Variants in MAGI2 observed in about 807,000 individuals in gnomAD.
MAGI2 encodes membrane associated guanylate kinase, WW and PDZ domain containing 2.
A neutral mutation model predicts 133.3 loss-of-function variants in MAGI2; 35 were observed. The observed-to-expected ratio is 0.26, with a 90% CI of 0.20 to 0.35. The LOEUF (loss-of-function observed/expected upper bound fraction) is 0.35, where lower values mean the gene tolerates loss of function less well. Among genes scored for constraint, MAGI2 ranks in the 10% least tolerant of loss-of-function variants. The probability of loss-of-function intolerance (pLI) is 1.00; values close to 1 mark genes in which losing one functional copy is unlikely to be tolerated. For synonymous variants in MAGI2, 729 were observed against 710.6 expected (o/e 1.03, Z -0.41); for missense variants, 1,636 against 1,863.4 (o/e 0.88, Z 2.25).
intron 9 of MAGI2, among the ~76,000 whole-genome samples, chr7:78,290,686 A>G (rs1009253776): frequency 6.6e-6 from 1 of 152,202 alleles, no homozygotes; most frequent in African/African-American, 2.4e-5. Context: ...AAAATTGACC[A>G]CACACTTGGA....
At chr7:78,083,387 G>GGAGAGA (rs747230358) in intron 20 of MAGI2, among the ~76,000 whole-genome samples, 358 of 33,248 alleles carry the variant, frequency 0.011, 13 homozygotes, top group African/African-American at 0.022. Context: ...AGGGAGGGGG[G>GGAGAGA]GAGAGAGAGA....
chr7:79,043,305 G>A (rs1811844844), intron 1 of MAGI2, among the ~76,000 whole-genome samples: 1 of 152,010 alleles, frequency 6.6e-6, no homozygotes, highest in South Asian at 2.1e-4. Flanking sequence ...AGCACTTTGG[G>A]AGGCTGAGGT....
At chr7:78,600,733 G>A (rs1436362184) in intron 3 of MAGI2, among the ~76,000 whole-genome samples, 2 of 150,906 alleles carry the variant, frequency 1.3e-5, no homozygotes, top group Non-Finnish European at 3.0e-5. Context: ...ACGAGGGGAG[G>A]TGTGTGTGTG....
At chr7:79,028,356 TACAC>T (rs200071638) in intron 1 of MAGI2, among the ~76,000 whole-genome samples, 2 of 119,412 alleles carry the variant, frequency 1.7e-5, no homozygotes, top group Non-Finnish European at 3.6e-5. Flanking sequence ...CACACACACA[TACAC>T]ACACACACAC....
chr7:79,196,020 T>C (rs1258974141), intron 1 of MAGI2, among the ~76,000 whole-genome samples: 3 of 152,028 alleles, frequency 2.0e-5, no homozygotes, highest in East Asian at 1.9e-4. Context: ...AGAATATCTA[T>C]TGTACAACAT....
chr7:79,372,288 T>A (rs1843098070), intron 1 of MAGI2, among the ~76,000 whole-genome samples: 1 of 152,052 alleles, frequency 6.6e-6, no homozygotes, highest in Non-Finnish European at 1.5e-5. Flanking sequence ...AATGAAACTA[T>A]CCCAGGAGAT....
intron 2 of MAGI2, among the ~76,000 whole-genome samples, chr7:78,721,932 ATTG>A (rs1490268446): frequency 6.6e-6 from 1 of 151,924 alleles, no homozygotes; most frequent in Non-Finnish European, 1.5e-5. Context: ...AGCAAACTTG[ATTG>A]TTTAGATTTT....
At chr7:78,673,298 ACACACACACAG>A (rs1295778184) in intron 2 of MAGI2, among the ~76,000 whole-genome samples, 6 of 152,034 alleles carry the variant, frequency 3.9e-5, no homozygotes, top group Non-Finnish European at 7.4e-5. Flanking sequence ...ACACAGACAC[ACACACACACAG>A]CACACACACA....
intron 1 of MAGI2, among the ~76,000 whole-genome samples, chr7:79,088,583 G>A (rs1816748463): frequency 6.6e-6 from 1 of 152,074 alleles, no homozygotes; most frequent in Non-Finnish European, 1.5e-5. Context: ...TCCTTGTCTT[G>A]TGCTGGTTTT....
intron 1 of MAGI2, among the ~76,000 whole-genome samples, chr7:79,136,076 A>AGAAAGAAAGAAAGAAAGAAG (rs1821495855): frequency 1.1e-5 from 1 of 90,782 alleles, no homozygotes; most frequent in African/African-American, 4.5e-5. Context: ...AAGGAAAGAA[A>AGAAAGAAAGAAAGAAAGAAG]GAAAGAAAGA....
chr7:78,536,143 C>T (rs1170432111), intron 3 of MAGI2, among the ~76,000 whole-genome samples: 3 of 95,286 alleles, frequency 3.1e-5, no homozygotes, highest in Non-Finnish European at 5.8e-5. Flanking sequence ...GACGGAGTCT[C>T]GCTCTGTCGC....
chr7:78,799,489 C>G (rs958995291), intron 2 of MAGI2, among the ~76,000 whole-genome samples: 1 of 152,100 alleles, frequency 6.6e-6, no homozygotes, highest in Non-Finnish European at 1.5e-5. Flanking sequence ...CAATGGGTTT[C>G]GTTATCAACC....
intron 2 of MAGI2, among the ~76,000 whole-genome samples, chr7:78,689,704 T>TG (rs1441649987): frequency 8.9e-6 from 1 of 111,806 alleles, no homozygotes; most frequent in South Asian, 2.8e-4. Context: ...TTTTTTTTTT[T>TG]GCTAAGCTTC....
intron 9 of MAGI2, among the ~76,000 whole-genome samples, chr7:78,320,969 T>C (rs1270514555): frequency 6.6e-6 from 1 of 152,172 alleles, no homozygotes; most frequent in African/African-American, 2.4e-5. Flanking sequence ...AGCATTCCTA[T>C]ACACCAATAA....
intron 3 of MAGI2, among the ~76,000 whole-genome samples, chr7:78,555,314 G>C (rs1040409574): frequency 6.6e-6 from 1 of 152,038 alleles, no homozygotes; most frequent in Admixed American, 6.6e-5. Flanking sequence ...AACTCAACCA[G>C]GGACCCTAAG....
chr7:79,342,285 C>T (rs1049621951), intron 1 of MAGI2, among the ~76,000 whole-genome samples: 1 of 152,212 alleles, frequency 6.6e-6, no homozygotes, highest in Non-Finnish European at 1.5e-5. Context: ...TCGTTCTCTG[C>T]AAGAATAACT....
intron 9 of MAGI2, among the ~76,000 whole-genome samples, chr7:78,329,678 C>T (rs1020482827): frequency 6.6e-6 from 1 of 152,154 alleles, no homozygotes; most frequent in African/African-American, 2.4e-5. Flanking sequence ...AATTGACTTG[C>T]TTTTATTTTT....
chr7:78,548,568 G>A (rs1799066944), intron 3 of MAGI2, among the ~76,000 whole-genome samples: 1 of 152,070 alleles, frequency 6.6e-6, no homozygotes, highest in Non-Finnish European at 1.5e-5. Context: ...GGTGGTGCAT[G>A]CCTGTAATCC....
chr7:78,444,984 C>A (rs1035050473), intron 6 of MAGI2, among the ~76,000 whole-genome samples: 1 of 150,726 alleles, frequency 6.6e-6, no homozygotes, highest in Non-Finnish European at 1.5e-5. Flanking sequence ...GCATTAAATT[C>A]TTTCTCTATT....
Sources: allele counts gnomAD v4.1 joint callset (sites outside exome capture counted in the v4.1 genomes callset), GRCh38; gene constraint gnomAD v4.1.1; transcripts MANE v1.5; gene names NCBI Gene and HGNC (gene_info 2026-07-23, HGNC 2026-07-21).